The following AKAP13 variants were observed in gnomAD, a reference collection of about 807,000 sequenced individuals.
The protein encoded by AKAP13 is A-kinase anchor protein 13.
AKAP13 carries 80 observed loss-of-function variants against 264.5 expected under a neutral mutation model. The observed-to-expected ratio is 0.30, with a 90% CI of 0.25 to 0.36. The LOEUF (loss-of-function observed/expected upper bound fraction) is 0.36, where lower values mean the gene tolerates loss of function less well. Ranked by LOEUF, AKAP13 falls within the 10% of genes least tolerant of loss-of-function variation. AKAP13 has a pLI of 1.00. For synonymous variants in AKAP13, 1,380 were observed against 1,250.2 expected, an observed-to-expected ratio of 1.10 and a Z score of -2.19; for missense variants, 3,712 against 3,435.2, an observed-to-expected ratio of 1.08 and a Z score of -2.01.
At chr15:85,432,967 C>T (rs1324762154) in intron 1 of AKAP13, among the ~76,000 whole-genome samples, 1 of 151,888 alleles carries the variant, frequency 6.6e-6, no homozygotes, top group Admixed American at 6.6e-5. Flanking sequence ...AAAATATACA[C>T]CCCATTACCT....
intron 1 of AKAP13, among the ~76,000 whole-genome samples, chr15:85,411,427 A>G (rs1396580957): frequency 1.3e-5 from 2 of 152,194 alleles, no homozygotes; most frequent in African/African-American, 4.8e-5. Flanking sequence ...TGTGATGGAC[A>G]TTAAGGTGAA....
chr15:85,731,292 C>T (rs528229996), intron 30 of AKAP13, among the ~76,000 whole-genome samples: 2 of 152,320 alleles, frequency 1.3e-5, no homozygotes, highest in East Asian at 3.9e-4. Flanking sequence ...AGGCGTGAGC[C>T]ACTGCACCCG....
intron 8 of AKAP13, among the ~76,000 whole-genome samples, chr15:85,612,351 C>A (rs1467642269): frequency 6.6e-6 from 1 of 152,022 alleles, no homozygotes; most frequent in African/African-American, 2.4e-5. Context: ...TAAAAATTAC[C>A]TCATAATAAA....
intron 8 of AKAP13, among the ~76,000 whole-genome samples, chr15:85,609,961 T>A (rs967692685): frequency 6.6e-6 from 1 of 152,246 alleles, no homozygotes; most frequent in Non-Finnish European, 1.5e-5. Flanking sequence ...CAAGCTGTCT[T>A]GTGTTTGTGT....
chr15:85,526,413 G>C (rs947129416), intron 3 of AKAP13, among the ~76,000 whole-genome samples: 1 of 151,156 alleles, frequency 6.6e-6, no homozygotes, highest in Non-Finnish European at 1.5e-5. Context: ...TAAGTGGCAC[G>C]TGTGTGTGTC....
chr15:85,556,744 A>G (rs2078162756), intron 5 of AKAP13, among the ~76,000 whole-genome samples: 1 of 152,218 alleles, frequency 6.6e-6, no homozygotes, highest in East Asian at 1.9e-4. Flanking sequence ...CTTGCTGTAC[A>G]CATTGCCTGA....
At chr15:85,399,518 AAAAATAAAAAAAT>A (rs1567038618) in intron 1 of AKAP13, among the ~76,000 whole-genome samples, 3 of 126,956 alleles carry the variant, frequency 2.4e-5, no homozygotes, top group African/African-American at 6.2e-5. Flanking sequence ...AAAAAAAAAA[AAAAATAAAAAAAT>A]AAAAAAATAA....
rs777264799 is a variant in AKAP13, at chr15:85,639,453, A to G, written c.4237+4A>G. ...CTGGCTTCCAAGCAGAGCCCAGGTAAGCTGAGATTATCCATTCATTTTCTG... is the reference window on the plus strand; with the variant it reads ...CTGGCTTCCAAGCAGAGCCCAGGTAGGCTGAGATTATCCATTCATTTTCTG... On this transcript the variant is annotated splice_donor_region_variant and intron_variant, in intron 9 of 36. Transcript: ENST00000394518. The G allele has an allele frequency of 1.3e-5, 21 of 1,608,586 alleles. 1 individual carries two copies. The South Asian group carries it at 2.0e-4, about 15-fold the overall frequency.
chr15:85,442,580 C>T (rs1399412221), intron 1 of AKAP13, among the ~76,000 whole-genome samples: 1 of 137,412 alleles, frequency 7.3e-6, no homozygotes, highest in Non-Finnish European at 1.5e-5. Context: ...TGATGAAACT[C>T]TTCTTAAAAC....
In AKAP13 at chr15:85,722,346, A is replaced by T; in HGVS notation, c.6495A>T (p.Lys2165Asn). 1 of 1,605,856 alleles carries T rather than the reference A, an allele frequency of 6.2e-7. No homozygotes were observed. Residue 2165 changes from lysine (K) to asparagine (N), a missense_variant and splice_region_variant, in exon 25 of 37, where the codon AAA becomes AAT. Lys to Asn is a moderately conservative substitution (Grantham distance 94). This residue lies in a region of AKAP13 where 342 missense variants were observed against 484.3 expected (regional missense o/e 0.71). Coordinates refer to ENST00000394518, the MANE Select transcript of AKAP13 (RefSeq NM_007200.5). ...TCCAAAGAATATTGCAGTGTACCAA[A>T]GGTAAGTCTCCTTTCTAACTCGGTC... Reference protein sequence around the residue: ...VLFQRILQCTKDNEVEQEDLA... With the variant: ...VLFQRILQCTNDNEVEQEDLA...
intron 2 of AKAP13, among the ~76,000 whole-genome samples, chr15:85,496,617 G>A (rs925123660): frequency 6.6e-6 from 1 of 152,112 alleles, no homozygotes; most frequent in East Asian, 1.9e-4. Context: ...CAGTTTTATC[G>A]TTCTTCCTAG....
intron 8 of AKAP13, among the ~76,000 whole-genome samples, chr15:85,597,655 T>A (rs889687271): frequency 1.3e-5 from 2 of 152,104 alleles, no homozygotes; most frequent in Non-Finnish European, 2.9e-5. Context: ...CTGATACAGA[T>A]ACTTGGAGGC....
At chr15:85,658,456 G>C in intron 11 of AKAP13, 81 bp from the exon 12 acceptor site, 2 of 1,204,952 alleles carry the variant, frequency 1.7e-6, no homozygotes, top group Admixed American at 3.4e-5. Flanking sequence ...TCTCTCCCCA[G>C]TGTGGTGTCT....
At chr15:85,653,126 C>T (rs2082939187) in intron 10 of AKAP13, among the ~76,000 whole-genome samples, 1 of 152,206 alleles carries the variant, frequency 6.6e-6, no homozygotes. Flanking sequence ...CTGAGTCCCT[C>T]ACTCAGAAAG....
At chr15:85,461,002 A>G (rs762353344) in intron 1 of AKAP13, among the ~76,000 whole-genome samples, 9 of 152,210 alleles carry the variant, frequency 5.9e-5, no homozygotes, top group Admixed American at 2.0e-4. Context: ...TATGACATCA[A>G]TAGAAAATGA....
At chr15:85,631,596 G>A (rs1567165521) in intron 8 of AKAP13, among the ~76,000 whole-genome samples, 1 of 151,226 alleles carries the variant, frequency 6.6e-6, no homozygotes, top group Non-Finnish European at 1.5e-5. Flanking sequence ...GGAACAGAAA[G>A]AGAACACTAA....
At chr15:85,478,735 A>T (rs1531855) in intron 1 of AKAP13, among the ~76,000 whole-genome samples, 1 of 151,184 alleles carries the variant, frequency 6.6e-6, no homozygotes, top group East Asian at 1.9e-4. Flanking sequence ...ATTTGGGCTC[A>T]GTGCTTTGTG....
chr15:85,555,601 G>GA (rs1409625681), intron 5 of AKAP13: 2 of 667,720 alleles, frequency 3.0e-6, no homozygotes, highest in African/African-American at 3.7e-5. Context: ...GAACTTCCCT[G>GA]AAGGACTTGT....
At chr15:85,500,391 T>C (rs977631041) in intron 2 of AKAP13, among the ~76,000 whole-genome samples, 1 of 152,194 alleles carries the variant, frequency 6.6e-6, no homozygotes, top group Non-Finnish European at 1.5e-5. Flanking sequence ...GACAGGAAGA[T>C]TTATATTTTA....
Sources: allele counts gnomAD v4.1 joint callset (sites outside exome capture counted in the v4.1 genomes callset), GRCh38; gene constraint gnomAD v4.1.1; regional missense constraint gnomAD v4.1.1; transcripts MANE v1.5; gene names NCBI Gene and HGNC (gene_info 2026-07-23, HGNC 2026-07-21).